The following LINC00632 variants were observed in gnomAD, a reference collection of about 807,000 sequenced individuals.
The protein encoded by LINC00632 is ALDOA related specific transcript.
chrX:140,762,725 T>C (rs752269294), intron 3 of LINC00632, among the ~76,000 whole-genome samples: 3 of 112,420 alleles, frequency 2.7e-5, no homozygotes, highest in East Asian at 5.6e-4. Context: ...TGGGCATGAA[T>C]AGGTTACTAT....
intron 3 of LINC00632, among the ~76,000 whole-genome samples, chrX:140,771,409 A>G (rs187711840): frequency 9.1e-4 from 99 of 108,320 alleles, no homozygotes; most frequent in African/African-American, 3.3e-3. Context: ...TGGAAAAAGG[A>G]TAAGAACAAG....
At chrX:140,785,124 T>A (rs1317635547) in exon 5 of LINC00632, among the ~76,000 whole-genome samples, 2 of 109,813 alleles carry the variant, frequency 1.8e-5, no homozygotes, top group African/African-American at 6.6e-5. Flanking sequence ...GTATTATTTG[T>A]CCATTTTAAA....
At chrX:140,723,049 A>AAG (rs1556020623) in intron 2 of LINC00632, among the ~76,000 whole-genome samples, 9 of 109,996 alleles carry the variant, frequency 8.2e-5, no homozygotes, top group Admixed American at 2.9e-4. Context: ...TCAAAAAAAA[A>AAG]AAAAGAAAAG....
At chrX:140,723,273 A>G (rs1258421598) in intron 2 of LINC00632, among the ~76,000 whole-genome samples, 2 of 113,335 alleles carry the variant, frequency 1.8e-5, no homozygotes, top group African/African-American at 6.4e-5. Flanking sequence ...CCATACACAC[A>G]CACACATTCC....
intron 2 of LINC00632, among the ~76,000 whole-genome samples, chrX:140,725,972 T>C (rs968822747): frequency 1.7e-4 from 19 of 111,444 alleles, no homozygotes; most frequent in African/African-American, 5.5e-4. Context: ...ATAACACTGA[T>C]TGCTTCACAA....
intron 2 of LINC00632, among the ~76,000 whole-genome samples, chrX:140,720,117 T>C (rs1329505509): frequency 9.2e-6 from 1 of 108,441 alleles, no homozygotes; most frequent in Non-Finnish European, 1.9e-5. Context: ...ATATCCCAGA[T>C]TAGTCTGCCA....
At chrX:140,723,049 A>AAAAAAAG (rs1484713520) in intron 2 of LINC00632, among the ~76,000 whole-genome samples, 1 of 109,967 alleles carries the variant, frequency 9.1e-6, no homozygotes, top group Non-Finnish European at 1.9e-5. Context: ...TCAAAAAAAA[A>AAAAAAAG]AAAAGAAAAG....
chrX:140,720,804 G>GT (rs778324700), intron 2 of LINC00632, among the ~76,000 whole-genome samples: 1 of 111,923 alleles, frequency 8.9e-6, no homozygotes, highest in African/African-American at 3.2e-5. Context: ...TGAAAAATAG[G>GT]TTTTTTATTT....
chrX:140,771,569 C>T (rs1931792207), intron 3 of LINC00632, among the ~76,000 whole-genome samples: 1 of 102,882 alleles, frequency 9.7e-6, no homozygotes, highest in Non-Finnish European at 2.0e-5. Context: ...TTGCTTTTAG[C>T]ATACAAATTG....
rs747072025 is a variant in LINC00632 at position 140,783,788 on chromosome X, C to CGTCTTCCAGAAAATCCAT, written n.11835_11852dup. ...CAATATATGTCTTCCTGAAGATCCA[C>CGTCTTCCAGAAAATCCAT]GTCTTCCAGAAAATCCATGTCTTCC... On this transcript the variant is annotated non_coding_transcript_exon_variant, in exon 5 of 5. Coordinates refer to ENST00000648200, the Ensembl canonical transcript of LINC00632. The CGTCTTCCAGAAAATCCAT allele has an allele frequency of 5.1e-5, 62 of 1,208,102 alleles. No individual in the cohort carries two copies. In the African/African-American group the frequency reaches 7.3e-4, roughly 14 times the overall value.
chrX:140,739,333 C>T (rs1931190789), intron 3 of LINC00632, among the ~76,000 whole-genome samples: 1 of 110,347 alleles, frequency 9.1e-6, no homozygotes, highest in South Asian at 3.9e-4. Context: ...GATTCTCCTG[C>T]CTCAGTCTCC....
At chrX:140,724,233 CACAG>C (rs1220961911) in intron 2 of LINC00632, among the ~76,000 whole-genome samples, 2 of 26,167 alleles carry the variant, frequency 7.6e-5, no homozygotes, top group South Asian at 1.8e-3. Flanking sequence ...TCCATACACA[CACAG>C]ACACATTCCA....
chrX:140,755,561 G>A (rs866725684), intron 3 of LINC00632, among the ~76,000 whole-genome samples: 2 of 111,980 alleles, frequency 1.8e-5, no homozygotes, highest in South Asian at 3.7e-4. Flanking sequence ...CACTTTGCAC[G>A]GTGATGCCTC....
exon 5 of LINC00632, chrX:140,784,565 A>G: frequency 2.0e-6 from 1 of 489,842 alleles, no homozygotes. Flanking sequence ...ACAACTACCC[A>G]GTCTTCCATC....
At chrX:140,762,878 C>T (rs73576513) in intron 3 of LINC00632, among the ~76,000 whole-genome samples, 2,041 of 111,714 alleles carry the variant, frequency 0.018, 46 homozygotes, top group African/African-American at 0.061. Flanking sequence ...TGACCATAGG[C>T]GTGATTTGAC....
chrX:140,714,872 C>CA (rs59058442), intron 2 of LINC00632: 12,704 of 102,783 alleles, frequency 0.12, 1,175 homozygotes, highest in African/African-American at 0.3. Context: ...CAAAAACAAA[C>CA]AAAAAAAAAC....
chrX:140,762,242 A>AGAGAGAGAAAGAGAGAGAGAGC (rs1286418753), intron 3 of LINC00632, among the ~76,000 whole-genome samples: 5 of 99,792 alleles, frequency 5.0e-5, no homozygotes, highest in African/African-American at 1.9e-4. Context: ...AGAGAGAGAG[A>AGAGAGAGAAAGAGAGAGAGAGC]GCACTCTTAT....
intron 2 of LINC00632, among the ~76,000 whole-genome samples, chrX:140,723,993 CACAG>C (rs1286307723): frequency 4.8e-4 from 12 of 24,946 alleles, no homozygotes; most frequent in South Asian, 2.2e-3. Context: ...ACATTCCATA[CACAG>C]ACACACACCA....
At chrX:140,735,075 CTCTTAA>C (rs1208280190) in intron 3 of LINC00632, among the ~76,000 whole-genome samples, 1 of 111,022 alleles carries the variant, frequency 9.0e-6, no homozygotes, top group Non-Finnish European at 1.9e-5. Context: ...AAAAATACAT[CTCTTAA>C]GTGAATATGA....
Sources: allele counts gnomAD v4.1 joint callset (sites outside exome capture counted in the v4.1 genomes callset), GRCh38; gene constraint gnomAD v4.1.1; transcripts MANE v1.5; gene names NCBI Gene and HGNC (gene_info 2026-07-23, HGNC 2026-07-21).